The following SSTR3 variants were observed in gnomAD, a reference collection of about 807,000 sequenced individuals.
The protein encoded by SSTR3 is somatostatin receptor 3, also known as somatostatin receptor type 3.
For synonymous variants in SSTR3, 281 were observed against 269.2 expected, an observed-to-expected ratio of 1.04 and a Z score of -0.43; for missense variants, 504 against 604.7, an observed-to-expected ratio of 0.83 and a Z score of 1.75.
In SSTR3 at chr22:37,206,500, C is replaced by T. The variant is rs566703212; in HGVS notation, c.*47G>A. On this transcript the variant is annotated 3_prime_UTR_variant, in exon 2 of 2. Coordinates refer to ENST00000610913, the MANE Select transcript of SSTR3 (RefSeq NM_001051.5). ...TTGGGAAGTAGGCCCTAGGCACACCCACGGCTTCTGCCTCTTCCTCGGGCC... is the reference window on the plus strand; with the variant it reads ...TTGGGAAGTAGGCCCTAGGCACACCTACGGCTTCTGCCTCTTCCTCGGGCC... 1.3e-6 allele frequency: 2 copies of T among 1,550,042 alleles called. No homozygotes were observed. Among genetic ancestry groups the T allele is most frequent in the Non-Finnish European group, 1.7e-6 (2 of 1,149,040 alleles).
chr22:37,206,599 T>TG lies in SSTR3; in HGVS notation c.1204dup (p.Gln402ProfsTer52). The TG allele has an allele frequency of 1.9e-6, 3 of 1,612,406 alleles. No homozygotes were observed. The highest frequency in any genetic ancestry group is 2.5e-6 in the Non-Finnish European group (3 of 1,179,964). On this transcript the variant is annotated frameshift_variant, in exon 2 of 2. Coordinates refer to ENST00000610913, the MANE Select transcript of SSTR3 (RefSeq NM_001051.5). LOFTEE classifies it high-confidence loss of function. ...GGACTTCTCCCCAGTGGAAGCCTCT[T>TG]GGGGTAGGAGCTGCTGCTCCTTGCT...
intron 1 of SSTR3, among the ~76,000 whole-genome samples, chr22:37,208,060 G>T (rs562142863): frequency 4.2e-4 from 64 of 152,330 alleles, no homozygotes; most frequent in African/African-American, 1.5e-3. Context: ...GGAAACTGAG[G>T]CTCAGGGAGG....
Position 37,207,337 on chromosome 22 carries a change from G to C in SSTR3, c.467C>G (p.Thr156Arg), listed in dbSNP as rs2145800138. 1 of 1,602,826 alleles carries C rather than the reference G, an allele frequency of 6.2e-7. No homozygotes were observed. Among genetic ancestry groups the C allele is most frequent in the Non-Finnish European group, 8.5e-7 (1 of 1,174,252 alleles). ...GCTGACCGTGCGGGCCACCGGAGCT[G>C]TGCGCCAGCGGGCCGAGCGGGTGGG... The part of the protein sequence containing the change: ...VHPTRSARWR[T>R]APVARTVSAA... Residue 156 changes from threonine to arginine, a missense_variant, in exon 2 of 2, where the codon ACA becomes AGA. Coordinates refer to ENST00000610913, the MANE Select transcript of SSTR3 (RefSeq NM_001051.5).
upstream of SSTR3, among the ~76,000 whole-genome samples, chr22:37,213,372 C>T (rs1292276516): frequency 1.3e-5 from 2 of 152,206 alleles, no homozygotes; most frequent in Non-Finnish European, 2.9e-5. Flanking sequence ...AAAGGACACA[C>T]GTCTTGGCTG....
chr22:37,211,245 C>T (rs140985056), intron 1 of SSTR3, among the ~76,000 whole-genome samples: 72 of 152,298 alleles, frequency 4.7e-4, no homozygotes, highest in African/African-American at 1.5e-3. Context: ...TTCGGCCTTC[C>T]CCCCAAAGAC....
chr22:37,210,467 G>C, intron 1 of SSTR3: 1 of 962,338 alleles, frequency 1.0e-6, no homozygotes, highest in Non-Finnish European at 1.2e-6. Flanking sequence ...TATCTCAGCC[G>C]GTCTTCCCTG....
intron 1 of SSTR3, 76 bp from the exon 2 acceptor site, chr22:37,207,915 C>A: frequency 2.9e-6 from 4 of 1,364,438 alleles, no homozygotes; most frequent in Non-Finnish European, 3.8e-6. Context: ...CATGCCGAAC[C>A]TGGGGACCTG....
At chr22:37,214,832 C>T (rs1455636378), upstream of SSTR3, among the ~76,000 whole-genome samples, 2 of 152,210 alleles carry the variant, frequency 1.3e-5, no homozygotes, top group East Asian at 3.8e-4. Context: ...TGTAACGAGC[C>T]TCAGCCTGCG....
chr22:37,214,530 G>C (rs1452929792), upstream of SSTR3, among the ~76,000 whole-genome samples: 1 of 152,128 alleles, frequency 6.6e-6, no homozygotes, highest in Non-Finnish European at 1.5e-5. Flanking sequence ...AGGCGGGGGG[G>C]CTCCCTTGTA....
Position 37,211,857 on chromosome 22 carries a change from G to A in SSTR3, c.-69C>T, listed in dbSNP as rs993485125. The A allele has an allele frequency of 4.8e-5, 47 of 985,542 alleles. No homozygotes were observed. Among genetic ancestry groups the A allele is most frequent in the Admixed American group, 6.1e-5 (1 of 16,262 alleles). The allele number at this position is 985,542 out of a possible 1,614,324, so 61.0% of individuals were successfully genotyped here. On this transcript the variant is annotated 5_prime_UTR_variant, in exon 1 of 2. Transcript: ENST00000610913. The stretch of plus-strand genomic sequence containing the variant: ...TGGGGTGAGGGCTTCCCTCCTTGCC[G>A]CCAGGCTGGTTATCATTCTGCTGTC...
chr22:37,206,755 T>C lies in SSTR3; in HGVS notation c.1049A>G (p.Glu350Gly), dbSNP rs1055446333. Residue 350 changes from glutamate (E) to glycine (G), a missense_variant, in exon 2 of 2, where the codon GAG becomes GGG. Transcript: ENST00000610913. The stretch of plus-strand genomic sequence containing the variant: ...CCCATCCTCCTCCTCCTCATCCTCC[T>C]CCTCAGTCTTCTCCGGGGGCCCCAC... ...PTVGPPEKTE[E>G]EDEEEEDGEE... 21 of 1,600,750 alleles carry C rather than the reference T, an allele frequency of 1.3e-5. No homozygotes were observed. The highest frequency in any genetic ancestry group is 1.7e-5 in the Non-Finnish European group (20 of 1,174,404).
chr22:37,218,947 A>C, the SSTR3 span, among the ~76,000 whole-genome samples: 1 of 152,088 alleles, frequency 6.6e-6, no homozygotes, highest in African/African-American at 2.4e-5. Flanking sequence ...GGTGATTTGC[A>C]TCTTTTCTGT....
At position 37,206,790 on chromosome 22, in the gene SSTR3, C is replaced by T. The variant is rs1475957458; in HGVS notation, c.1014G>A (p.Gln338=). 7 of 1,611,994 alleles carry T rather than the reference C, an allele frequency of 4.3e-6. 1 individual carries two copies. In the South Asian group the frequency reaches 7.7e-5, roughly 18 times the overall value. Reference sequence around the variant, plus strand: ...TCTCCGGGGGCCCCACAGTGGGCTCCTGGCTGCGCACACGGCGGGAGGGCC... The same window carrying T: ...TCTCCGGGGGCCCCACAGTGGGCTCTTGGCTGCGCACACGGCGGGAGGGCC... ...LLRPSRRVRS[Q]EPTVGPPEKT... The change falls in exon 2 of 2, where the codon CAG becomes CAA. Residue 338 remains glutamine (Q), a synonymous_variant. Coordinates refer to ENST00000610913, the MANE Select transcript of SSTR3 (RefSeq NM_001051.5).
At chr22:37,213,212 G>C (rs1482985460), upstream of SSTR3, among the ~76,000 whole-genome samples, 1 of 152,140 alleles carries the variant, frequency 6.6e-6, no homozygotes, top group Non-Finnish European at 1.5e-5. Context: ...TTGCCCCGTG[G>C]GCCATATTTA....
chr22:37,210,684 G>GC, intron 1 of SSTR3: 1 of 985,470 alleles, frequency 1.0e-6, no homozygotes, highest in Non-Finnish European at 1.2e-6. Context: ...CGGACTCCTT[G>GC]GAGGACTGTT....
upstream of SSTR3, chr22:37,215,853 G>T (rs1926419017): frequency 4.1e-5 from 12 of 291,700 alleles, no homozygotes. Flanking sequence ...TGTTTCTTGT[G>T]CAGGAATCAC....
intron 1 of SSTR3, among the ~76,000 whole-genome samples, chr22:37,209,642 G>A (rs960625651): frequency 3.3e-5 from 5 of 152,234 alleles, no homozygotes; most frequent in East Asian, 1.9e-4. Flanking sequence ...GATGTCCTAC[G>A]AGGGAGGCAC....
At chr22:37,217,368 T>G (rs1926492298), upstream of SSTR3, among the ~76,000 whole-genome samples, 1 of 152,228 alleles carries the variant, frequency 6.6e-6, no homozygotes. Context: ...TGCTTTATCC[T>G]TAAATTTCTG....
chr22:37,206,482 G>T lies in SSTR3; in HGVS notation c.*65C>A. The T allele has an allele frequency of 6.6e-7, 1 of 1,515,876 alleles. No individual in the cohort carries two copies. Among genetic ancestry groups the T allele is most frequent in the Non-Finnish European group, 8.8e-7 (1 of 1,136,628 alleles). The allele number at this position is 1,515,876 out of a possible 1,614,324, so 93.9% of individuals were successfully genotyped here. A position where few individuals can be genotyped will look rare whatever the true frequency, so the allele number is the denominator to read the frequency against. ...TCATGGGCCTGTGGCACCTTGGGAA[G>T]TAGGCCCTAGGCACACCCACGGCTT... On this transcript the variant is annotated 3_prime_UTR_variant, in exon 2 of 2. Transcript: ENST00000610913.
Sources: gnomAD v4.1 joint callset for allele counts (sites outside exome capture counted in the v4.1 genomes callset) on GRCh38, gnomAD v4.1.1 for gene constraint, MANE v1.5 for transcripts, NCBI Gene and HGNC (gene_info 2026-07-23, HGNC 2026-07-21) for gene names.